The following HSPBAP1 variants were observed in gnomAD, a reference collection of about 807,000 sequenced individuals.
The protein encoded by HSPBAP1 is HSPB1 associated protein 1.
In HSPBAP1, 27 loss-of-function variants were observed where a neutral mutation model predicts 45.2. The ratio of observed to expected loss-of-function variants is 0.60; its 90% CI spans 0.44 to 0.82. The LOEUF (loss-of-function observed/expected upper bound fraction) is 0.82. Ranked by LOEUF, HSPBAP1 falls within the 40% of genes least tolerant of loss-of-function variation. The pLI is 0.00. For synonymous variants in HSPBAP1, 204 were observed against 202.7 expected, an observed-to-expected ratio of 1.01 and a Z score of -0.06; for missense variants, 510 against 590.9, an observed-to-expected ratio of 0.86 and a Z score of 1.42.
chr3:122,770,726 C>A (rs1016112095), intron 2 of HSPBAP1, among the ~76,000 whole-genome samples: 1 of 151,830 alleles, frequency 6.6e-6, no homozygotes, highest in African/African-American at 2.4e-5. Context: ...AAAAAACAAC[C>A]AAAAAATTAT....
intron 1 of HSPBAP1, 93 bp downstream of exon 1, chr3:122,793,524 T>A (rs1315149808): frequency 2.8e-6 from 3 of 1,068,520 alleles, no homozygotes; most frequent in Middle Eastern, 2.0e-4. Flanking sequence ...GAGACCTGGG[T>A]TGGGGCTAAG....
chr3:122,783,823 G>C (rs1935567772), intron 1 of HSPBAP1, among the ~76,000 whole-genome samples: 1 of 142,674 alleles, frequency 7.0e-6, no homozygotes, highest in South Asian at 2.4e-4. Context: ...GGTACAGGGA[G>C]GGCAACTTTC....
In HSPBAP1 at chr3:122,740,759, T is replaced by G. The variant is rs776962003; in HGVS notation, c.1053A>C (p.Gly351=). ...TTAATTCTTCCTTTTTCATGTGCTC[T>G]CCATCTGTTCTCAGTGCTTGGATTT... ...VVEIQALRTD[G]EHMKKEELNV... The change falls in exon 8 of 8, where the codon GGA becomes GGC. Residue 351 remains glycine (G), a synonymous_variant. Coordinates refer to ENST00000306103, the MANE Select transcript of HSPBAP1 (RefSeq NM_024610.6). 1 of 1,614,134 alleles carries G rather than the reference T, an allele frequency of 6.2e-7. No homozygotes were observed.
chr3:122,774,542 T>C (rs1477704898), intron 2 of HSPBAP1, among the ~76,000 whole-genome samples: 1 of 152,212 alleles, frequency 6.6e-6, no homozygotes, highest in African/African-American at 2.4e-5. Context: ...GTCTTTAGCC[T>C]AAGCGTAACT....
At position 122,779,512 on chromosome 3, in the gene HSPBAP1, A is replaced by ATTTATTTATTTATTTAT. The variant is rs1209817362; in HGVS notation, c.65-1607_65-1606insATAAATAAATAAATAAA. Among the ~76,000 whole-genome samples the ATTTATTTATTTATTTAT allele has an allele frequency of 3.5e-5, 5 of 143,304 alleles. No homozygotes were observed. In the East Asian group the frequency reaches 9.7e-4, roughly 28 times the overall value. The allele number at this position is 143,304 out of a possible 152,430, so 94.0% of individuals were successfully genotyped here. The stretch of plus-strand genomic sequence containing the variant: ...TTTTCTTTTATTTATTTATTTATTT[A>ATTTATTTATTTATTTAT]TTTATTTATTTTTTATTGATCATTC... On this transcript the variant is annotated intron_variant, in intron 1 of 7. Coordinates refer to ENST00000306103, the MANE Select transcript of HSPBAP1 (RefSeq NM_024610.6).
At chr3:122,759,787 A>G (rs1410251290) in intron 3 of HSPBAP1, among the ~76,000 whole-genome samples, 1 of 152,200 alleles carries the variant, frequency 6.6e-6, no homozygotes, top group East Asian at 1.9e-4. Context: ...ATTATTTCAA[A>G]TATCTCTGAG....
intron 2 of HSPBAP1, among the ~76,000 whole-genome samples, chr3:122,774,293 G>C (rs1030296226): frequency 6.6e-6 from 1 of 152,172 alleles, no homozygotes; most frequent in African/African-American, 2.4e-5. Flanking sequence ...GATAGATTTG[G>C]TCAGGAAAAA....
At chr3:122,748,460 G>A (rs911789391) in intron 6 of HSPBAP1, among the ~76,000 whole-genome samples, 1 of 151,288 alleles carries the variant, frequency 6.6e-6, no homozygotes, top group Admixed American at 6.6e-5. Flanking sequence ...ATAAGAGATC[G>A]AAATGCAAAA....
chr3:122,758,295 C>T (rs1248018377), intron 4 of HSPBAP1, among the ~76,000 whole-genome samples: 1 of 152,208 alleles, frequency 6.6e-6, no homozygotes, highest in Non-Finnish European at 1.5e-5. Flanking sequence ...CTTAGACTCT[C>T]ATAGAACTCC....
intron 6 of HSPBAP1, among the ~76,000 whole-genome samples, chr3:122,745,256 T>C (rs1470617050): frequency 6.6e-6 from 1 of 151,474 alleles, no homozygotes; most frequent in African/African-American, 2.4e-5. Context: ...GAGAGATACC[T>C]GAAAACCCCA....
At chr3:122,780,619 C>A (rs1279593461) in intron 1 of HSPBAP1, among the ~76,000 whole-genome samples, 3 of 147,568 alleles carry the variant, frequency 2.0e-5, no homozygotes, top group African/African-American at 7.7e-5. Context: ...CCCCCCACAT[C>A]CCTCCCGGAC....
chr3:122,781,362 G>C (rs757898915), intron 1 of HSPBAP1, among the ~76,000 whole-genome samples: 1 of 152,306 alleles, frequency 6.6e-6, no homozygotes, highest in Non-Finnish European at 1.5e-5. Flanking sequence ...AGACCGGCCC[G>C]GCCAACACAG....
At chr3:122,770,782 T>C (rs1441885701) in intron 2 of HSPBAP1, among the ~76,000 whole-genome samples, 2 of 152,192 alleles carry the variant, frequency 1.3e-5, no homozygotes, top group African/African-American at 4.8e-5. Context: ...TTACATAAAG[T>C]TTAATTTTGA....
In HSPBAP1 at chr3:122,740,516, C is replaced by T. The variant is rs777906342; in HGVS notation, c.1296G>A (p.Lys432=). The part of the protein sequence containing the change: ...GEHFGKLHCA[K]RQQIMSNSEN... ...CACTGTTGCTCATTATTTGTTGTCTCTTGGCACAATGCAATTTTCCAAAGT... is the reference window on the plus strand; with the variant it reads ...CACTGTTGCTCATTATTTGTTGTCTTTTGGCACAATGCAATTTTCCAAAGT... The change falls in exon 8 of 8, where the codon AAG becomes AAA. Residue 432 remains lysine, a synonymous_variant. Coordinates refer to ENST00000306103, the MANE Select transcript of HSPBAP1 (RefSeq NM_024610.6). 3.1e-6 allele frequency: 5 copies of T among 1,614,212 alleles called. No homozygotes were observed. In the South Asian group the frequency reaches 5.5e-5, roughly 18 times the overall value.
chr3:122,744,157 G>A (rs1335210104), intron 6 of HSPBAP1, among the ~76,000 whole-genome samples: 1 of 151,878 alleles, frequency 6.6e-6, no homozygotes, highest in African/African-American at 2.4e-5. Flanking sequence ...CTGAGAATGA[G>A]AAAAAGCTTT....
chr3:122,754,444 T>C (rs1210141610), intron 5 of HSPBAP1: 1 of 684,470 alleles, frequency 1.5e-6, no homozygotes, highest in African/African-American at 1.9e-5. Flanking sequence ...AATCTAGAGA[T>C]AGAAAAAGAT....
intron 2 of HSPBAP1, among the ~76,000 whole-genome samples, chr3:122,774,699 G>A (rs913894396): frequency 2.6e-5 from 4 of 152,224 alleles, no homozygotes; most frequent in African/African-American, 4.8e-5. Flanking sequence ...CTATGGAGGT[G>A]AGAGACAGCG....
chr3:122,762,271 CT>C (rs535189641), intron 3 of HSPBAP1, among the ~76,000 whole-genome samples: 8,461 of 145,050 alleles, frequency 0.058, 635 homozygotes, highest in African/African-American at 0.18. Flanking sequence ...TCTCCTTTAT[CT>C]TTTTTTTTTT....
chr3:122,788,544 C>A (rs1448102312), intron 1 of HSPBAP1, among the ~76,000 whole-genome samples: 1 of 152,190 alleles, frequency 6.6e-6, no homozygotes, highest in Non-Finnish European at 1.5e-5. Flanking sequence ...GTGGTGGAAG[C>A]AACTCAAAGG....
Sources: allele counts gnomAD v4.1 joint callset (sites outside exome capture counted in the v4.1 genomes callset), GRCh38; gene constraint gnomAD v4.1.1; transcripts MANE v1.5; gene names NCBI Gene and HGNC (gene_info 2026-07-23, HGNC 2026-07-21).